NAV1: variants seen among roughly 807,000 people sequenced by gnomAD.
NAV1 encodes the protein pore membrane and/or filament interacting like protein 3.
NAV1 carries 18 observed loss-of-function variants against 175.2 expected under a neutral mutation model. The ratio of observed to expected loss-of-function variants is 0.10; its 90% CI spans 0.07 to 0.15. The LOEUF (loss-of-function observed/expected upper bound fraction) is 0.15, where lower values mean the gene tolerates loss of function less well. Among genes scored for constraint, NAV1 ranks in the 10% least tolerant of loss-of-function variants. The pLI is 1.00. For missense variants in NAV1, 1,731 were observed against 2,436.6 expected, an observed-to-expected ratio of 0.71 and a Z score of 6.10; for synonymous variants, 897 against 978.7, an observed-to-expected ratio of 0.92 and a Z score of 1.56.
At chr1:201,695,581 T>A (rs1404386980) in intron 1 of NAV1, among the ~76,000 whole-genome samples, 1 of 152,210 alleles carries the variant, frequency 6.6e-6, no homozygotes, top group East Asian at 1.9e-4. Flanking sequence ...TAAGGCATGT[T>A]TGTTTCCTGG....
intron 1 of NAV1, among the ~76,000 whole-genome samples, chr1:201,655,526 C>G (rs1490337301): frequency 6.6e-6 from 1 of 152,216 alleles, no homozygotes. Flanking sequence ...AGGCAGACAT[C>G]ACCTCCCACA....
upstream of NAV1, among the ~76,000 whole-genome samples, chr1:201,645,089 G>T (rs1392139493): frequency 6.6e-6 from 1 of 152,142 alleles, no homozygotes; most frequent in Non-Finnish European, 1.5e-5. Context: ...CTGCTATAAA[G>T]ACACATGCAC....
At chr1:201,806,006 G>T (rs1425570950) in intron 17 of NAV1, among the ~76,000 whole-genome samples, 3 of 148,598 alleles carry the variant, frequency 2.0e-5, no homozygotes, top group Non-Finnish European at 4.5e-5. Context: ...TTTTTTTGAG[G>T]TAGAGTCTCA....
chr1:201,621,690 C>T (rs1316141546), upstream of NAV1, among the ~76,000 whole-genome samples: 1 of 152,062 alleles, frequency 6.6e-6, no homozygotes, highest in East Asian at 1.9e-4. Flanking sequence ...GGTTTTTTGC[C>T]CATATAAAGA....
chr1:201,810,918 T>C lies in NAV1; in HGVS notation c.4797+160T>C, dbSNP rs997719191. Among the ~76,000 whole-genome samples, 1 of 152,056 alleles carries C rather than the reference T, an allele frequency of 6.6e-6. No homozygotes were observed. Among genetic ancestry groups the C allele is most frequent in the African/African-American group, 2.4e-5 (1 of 41,372 alleles). On this transcript the variant is annotated intron_variant, in intron 24 of 29. Coordinates refer to ENST00000367296, the Ensembl canonical transcript of NAV1. The surrounding 1 kb of genome is among the most constrained non-coding windows in gnomAD (Gnocchi z 6.0). ...TTTCCTTCCCTCTCTATCTATCCCC[T>C]TTTCCAGTCTTCTCCTTTCCCTCCC...
rs34813054 is a variant in NAV1, at chr1:201,789,744, C to T, written c.3171C>T (p.His1057=). The T allele has an allele frequency of 1.2e-3, 1,902 of 1,614,036 alleles. 13 individuals carry two copies. In the African/African-American group the frequency reaches 0.022, roughly 19 times the overall value. ...TGTGTTCTCCTTCTCTTTCAGTTCA[C>T]GGCTCAGTGCTGTCCCTGGCCTCCA... Residue 1057 remains histidine (H), a synonymous_variant, in exon 11 of 30, where the codon CAC becomes CAT. Coordinates refer to ENST00000367296, the Ensembl canonical transcript of NAV1.
chr1:201,803,646 A>C (rs1249394902), exon 16 of NAV1: 6 of 1,613,790 alleles, frequency 3.7e-6, no homozygotes, highest in Non-Finnish European at 4.2e-6. Flanking sequence ...CCTCAACAGC[A>C]TCACTAGCCA....
chr1:201,629,465 G>A, exon 2 of NAV1: 1 of 1,304,342 alleles, frequency 7.7e-7, no homozygotes, highest in Non-Finnish European at 1.0e-6. Context: ...TGATGGCTAT[G>A]CTGAGCCCCT....
upstream of NAV1, among the ~76,000 whole-genome samples, chr1:201,620,450 ACT>A (rs1668128876): frequency 1.7e-5 from 2 of 117,678 alleles, no homozygotes; most frequent in Admixed American, 8.5e-5. Context: ...GGAGACATAT[ACT>A]CTTTTTTTTT....
intron 1 of NAV1, among the ~76,000 whole-genome samples, chr1:201,663,142 C>T (rs950964011): frequency 4.6e-5 from 7 of 152,108 alleles, no homozygotes; most frequent in East Asian, 1.9e-4. Flanking sequence ...CCCCCTGGGG[C>T]GAAGGGGAAC....
intron 3 of NAV1, among the ~76,000 whole-genome samples, chr1:201,764,884 T>C (rs1008829502): frequency 6.6e-6 from 1 of 152,268 alleles, no homozygotes. Context: ...AGATGGCGTC[T>C]GTGAAGAACA....
intron 1 of NAV1, among the ~76,000 whole-genome samples, chr1:201,662,176 A>T (rs1669638498): frequency 6.6e-6 from 1 of 152,222 alleles, no homozygotes; most frequent in South Asian, 2.1e-4. Context: ...CCTGTTGGGC[A>T]GCAGCCCAGA....
upstream of NAV1, among the ~76,000 whole-genome samples, chr1:201,645,318 G>A (rs1260438430): frequency 3.4e-5 from 5 of 145,146 alleles, no homozygotes; most frequent in South Asian, 8.8e-4. Context: ...ACCAAACACC[G>A]CATGTTCTCA....
upstream of NAV1, among the ~76,000 whole-genome samples, chr1:201,644,025 G>A (rs1420461938): frequency 2.0e-5 from 3 of 152,226 alleles, no homozygotes; most frequent in Admixed American, 1.3e-4. Context: ...GGAAAGAGGA[G>A]TGGGATGATG....
chr1:201,761,143 C>T (rs1674814028), intron 3 of NAV1, among the ~76,000 whole-genome samples: 1 of 152,112 alleles, frequency 6.6e-6, no homozygotes, highest in South Asian at 2.1e-4. Context: ...AAGATGACCT[C>T]CTCAGCTTTT....
chr1:201,765,638 G>A (rs1454018345), intron 3 of NAV1, among the ~76,000 whole-genome samples: 1 of 151,912 alleles, frequency 6.6e-6, no homozygotes, highest in African/African-American at 2.4e-5. Context: ...CAGGCGATCC[G>A]CCCACTTTAG....
At chr1:201,755,812 A>T (rs1674418069) in intron 3 of NAV1, among the ~76,000 whole-genome samples, 1 of 151,178 alleles carries the variant, frequency 6.6e-6, no homozygotes, top group African/African-American at 2.5e-5. Flanking sequence ...ACACAGCTTT[A>T]AAAAAAGTTG....
intron 15 of NAV1, among the ~76,000 whole-genome samples, chr1:201,801,372 A>G (rs1339618395): frequency 2.0e-5 from 3 of 152,194 alleles, no homozygotes; most frequent in Non-Finnish European, 4.4e-5. Flanking sequence ...TTCATCTAAC[A>G]GGTTTTGTTT....
chr1:201,728,611 A>AG (rs1325260454), intron 3 of NAV1, among the ~76,000 whole-genome samples: 2 of 151,644 alleles, frequency 1.3e-5, no homozygotes, highest in Non-Finnish European at 2.9e-5. Context: ...AAAAAAAAAA[A>AG]AAAAGAAAAG....
Sources: allele counts gnomAD v4.1 joint callset (sites outside exome capture counted in the v4.1 genomes callset), GRCh38; gene constraint gnomAD v4.1.1; non-coding constraint Gnocchi (gnomAD v3.1); transcripts MANE v1.5; gene names NCBI Gene and HGNC (gene_info 2026-07-23, HGNC 2026-07-21).